Variants in NUP210L observed in about 807,000 individuals in gnomAD.
The protein encoded by NUP210L is nuclear pore membrane glycoprotein 210-like.
Under a neutral mutation model 208.5 loss-of-function variants are expected in NUP210L, and 74 were observed. The ratio of observed to expected loss-of-function variants is 0.35; its 90% confidence interval spans 0.29 to 0.43. The LOEUF (loss-of-function observed/expected upper bound fraction) is 0.43. NUP210L is among the 20% of genes least tolerant of loss of function. NUP210L has a pLI of 1.00. For synonymous variants in NUP210L, 780 were observed against 816.9 expected (o/e 0.95, Z 0.77); for missense variants, 1,843 against 2,289.4 (o/e 0.81, Z 3.98).
chr1:154,034,339 T>C (rs950537599), intron 27 of NUP210L, among the ~76,000 whole-genome samples: 1 of 152,060 alleles, frequency 6.6e-6, no homozygotes, highest in Non-Finnish European at 1.5e-5. Flanking sequence ...GAGACTTTTT[T>C]CTTTTTTTGA....
intron 16 of NUP210L, among the ~76,000 whole-genome samples, chr1:154,084,585 T>C (rs931933988): frequency 4.0e-5 from 6 of 151,804 alleles, no homozygotes; most frequent in African/African-American, 1.2e-4. Context: ...TTTTAAAAAA[T>C]TTTTGTCTAT....
At chr1:154,035,957 A>C (rs954288674) in intron 27 of NUP210L, among the ~76,000 whole-genome samples, 2 of 137,442 alleles carry the variant, frequency 1.5e-5, no homozygotes, top group Non-Finnish European at 3.1e-5. Context: ...CTGGTCTTGA[A>C]CTCCTGACCT....
chr1:154,093,855 A>T (rs1656048022), intron 15 of NUP210L, among the ~76,000 whole-genome samples: 1 of 152,152 alleles, frequency 6.6e-6, no homozygotes, highest in Non-Finnish European at 1.5e-5. Flanking sequence ...TACCTCTAAA[A>T]ATAATTAAAA....
chr1:154,098,769 A>G (rs1164167290), intron 14 of NUP210L, among the ~76,000 whole-genome samples: 1 of 151,934 alleles, frequency 6.6e-6, no homozygotes, highest in African/African-American at 2.4e-5. Flanking sequence ...GGCAGCCTGG[A>G]CCCCAGGCTT....
intron 14 of NUP210L, among the ~76,000 whole-genome samples, chr1:154,098,004 C>T (rs1656256637): frequency 6.6e-6 from 1 of 152,204 alleles, no homozygotes; most frequent in African/African-American, 2.4e-5. Context: ...CTGGATCTCA[C>T]ACCTGCCAAG....
chr1:154,062,781 T>TTAA (rs1259665099), intron 17 of NUP210L, among the ~76,000 whole-genome samples: 1 of 151,924 alleles, frequency 6.6e-6, no homozygotes, highest in Non-Finnish European at 1.5e-5. Flanking sequence ...GGTCTTGCTA[T>TTAA]GTTAACCAGG....
intron 15 of NUP210L, among the ~76,000 whole-genome samples, chr1:154,090,559 C>T (rs1211393979): frequency 6.6e-6 from 1 of 152,118 alleles, no homozygotes; most frequent in Non-Finnish European, 1.5e-5. Context: ...ACCTGTAATC[C>T]CAGCACTTTG....
At chr1:154,075,231 A>AT (rs1210849015) in intron 16 of NUP210L, among the ~76,000 whole-genome samples, 1 of 152,188 alleles carries the variant, frequency 6.6e-6, no homozygotes, top group Non-Finnish European at 1.5e-5. Flanking sequence ...TGTAAATAAA[A>AT]TTTGTTTTAA....
chr1:154,117,458 G>A (rs1657386796), intron 12 of NUP210L, among the ~76,000 whole-genome samples: 1 of 152,062 alleles, frequency 6.6e-6, no homozygotes, highest in African/African-American at 2.4e-5. Context: ...GTGGGCACCT[G>A]TAATCCCAGC....
Position 153,995,823 on chromosome 1 carries a change from T to C in NUP210L, c.5387-643A>G, listed in dbSNP as rs1388704363. ...TTCGTGCCGTAAAACCTGAAGTTCT[T>C]ACGAGATTGTCCAAAACAACATGTC... is the stretch of plus-strand genomic sequence containing the variant. On this transcript the variant is annotated intron_variant, in intron 37 of 39. Transcript: ENST00000368559. 6 of 623,858 alleles carry C rather than the reference T, an allele frequency of 9.6e-6. No homozygotes were observed. The Admixed American group carries it at 1.1e-4, about 12-fold the overall frequency. 38.6% of individuals were successfully genotyped at this position (623,858 alleles called of 1,614,324 possible).
chr1:154,122,627 T>C (rs1657672095), intron 10 of NUP210L, among the ~76,000 whole-genome samples: 1 of 151,890 alleles, frequency 6.6e-6, no homozygotes, highest in Admixed American at 6.6e-5. Context: ...TGCACTCTAG[T>C]CTGGGAAACA....
chr1:154,101,872 G>A (rs532557977), intron 13 of NUP210L, among the ~76,000 whole-genome samples: 76 of 152,246 alleles, frequency 5.0e-4, no homozygotes, highest in Middle Eastern at 3.4e-3. Context: ...TGATTTAGCC[G>A]GGCATGGTGG....
Position 153,992,854 on chromosome 1 carries a change from A to C in NUP210L, c.5648T>G (p.Leu1883Ter). 2.5e-6 allele frequency: 4 copies of C among 1,612,742 alleles called. No individual in the cohort carries two copies. The highest frequency in any genetic ancestry group is 3.4e-6 in the Non-Finnish European group (4 of 1,179,214). ...CAGAGGTTAGTGCCTTATACTCCAT[A>C]ACCAATGTTGCAGCCGACTTTGGGC... Residue 1883 changes from leucine to a stop codon, truncating the protein, a stop_gained, in exon 40 of 40, where the codon TTA (leucine) becomes TGA (stop). Coordinates refer to ENST00000368559, the Ensembl canonical transcript of NUP210L. LOFTEE classifies it high-confidence loss of function.
In NUP210L at chr1:154,061,511, T is replaced by C. The variant is rs1030161234; in HGVS notation, c.2643+75A>G. On this transcript the variant is annotated intron_variant, in intron 18 of 39. Transcript: ENST00000368559. ...GTATATAGTCTCAGCTTTATGTAAGTTGTACAACTTTTAAAGAAGAGCTTT... is the reference window on the plus strand; with the variant it reads ...GTATATAGTCTCAGCTTTATGTAAGCTGTACAACTTTTAAAGAAGAGCTTT... The C allele has an allele frequency of 4.4e-6, 4 of 903,422 alleles. No homozygotes were observed. In the Admixed American group the frequency reaches 6.9e-5, roughly 16 times the overall value. The allele number at this position is 903,422 out of a possible 1,614,324, so 56.0% of individuals were successfully genotyped here.
chr1:154,132,425 A>C (rs1220202126), intron 7 of NUP210L, among the ~76,000 whole-genome samples: 1 of 152,118 alleles, frequency 6.6e-6, no homozygotes, highest in Non-Finnish European at 1.5e-5. Context: ...TGATGTTTTA[A>C]TTTAACATGT....
chr1:154,136,137 G>A (rs1012852564), intron 6 of NUP210L, among the ~76,000 whole-genome samples, 165 bp from the exon 7 acceptor site: 3 of 152,184 alleles, frequency 2.0e-5, no homozygotes, highest in African/African-American at 7.2e-5. Flanking sequence ...GTAACCATTT[G>A]GGGGGAGTAT....
chr1:154,071,074 T>C (rs563072048), intron 16 of NUP210L, among the ~76,000 whole-genome samples: 2 of 150,514 alleles, frequency 1.3e-5, no homozygotes, highest in African/African-American at 4.8e-5. Context: ...TCCAGGCCAG[T>C]TTTTTGTTTT....
intron 17 of NUP210L, among the ~76,000 whole-genome samples, chr1:154,066,038 C>A (rs374437469): frequency 6.6e-6 from 1 of 151,342 alleles, no homozygotes; most frequent in Non-Finnish European, 1.5e-5. Flanking sequence ...GGGTAAACAA[C>A]GAAATGAAGG....
At chr1:154,062,567 C>CTTTTTTTTTT (rs34499821) in intron 17 of NUP210L, among the ~76,000 whole-genome samples, 378 of 75,004 alleles carry the variant, frequency 5.0e-3, no homozygotes, top group Non-Finnish European at 5.8e-3. Flanking sequence ...TTTCTTTTTC[C>CTTTTTTTTTT]TTTTTTTTTT....
Sources: allele counts gnomAD v4.1 joint callset (sites outside exome capture counted in the v4.1 genomes callset), GRCh38; gene constraint gnomAD v4.1.1; transcripts MANE v1.5; gene names NCBI Gene and HGNC (gene_info 2026-07-23, HGNC 2026-07-21).